SPATA22: variants seen among roughly 807,000 people sequenced by gnomAD.
SPATA22 encodes spermatogenesis associated 22.
A neutral mutation model predicts 47.8 loss-of-function variants in SPATA22; 29 were observed. That is an observed-to-expected ratio of 0.61 (90% confidence interval 0.45 to 0.83). The LOEUF is 0.83. SPATA22 is among the 40% of genes least tolerant of loss of function. SPATA22 has a pLI of 0.00. For synonymous variants in SPATA22, 133 were observed against 140.9 expected (o/e 0.94, Z 0.40); for missense variants, 410 against 421.7 (o/e 0.97, Z 0.24).
chr17:3,464,349 G>A (rs1279673072), intron 3 of SPATA22, among the ~76,000 whole-genome samples: 16 of 151,616 alleles, frequency 1.1e-4, no homozygotes, highest in Non-Finnish European at 1.6e-4. Flanking sequence ...CCTCCCAGCC[G>A]CCTGCCTTGG....
At chr17:3,496,524 G>A (rs767364562) in intron 1 of SPATA22, among the ~76,000 whole-genome samples, 30 of 152,206 alleles carry the variant, frequency 2.0e-4, no homozygotes, top group Non-Finnish European at 4.4e-5. Flanking sequence ...TGGAGCATCT[G>A]AGGAACAGCA....
chr17:3,461,645 T>G (rs982655047), intron 5 of SPATA22, among the ~76,000 whole-genome samples: 1 of 152,124 alleles, frequency 6.6e-6, no homozygotes, highest in Non-Finnish European at 1.5e-5. Context: ...AATTTTTAAA[T>G]AAAGATATTA....
chr17:3,473,139 C>T (rs941484848), upstream of SPATA22, among the ~76,000 whole-genome samples: 1 of 147,704 alleles, frequency 6.8e-6, no homozygotes, highest in African/African-American at 2.5e-5. Flanking sequence ...CACCTTAAGC[C>T]GATTACTTCT....
intron 1 of SPATA22, among the ~76,000 whole-genome samples, chr17:3,498,016 T>C (rs2073936744): frequency 6.6e-6 from 1 of 152,150 alleles, no homozygotes; most frequent in Admixed American, 6.5e-5. Context: ...GATAACTCAG[T>C]TGTTACCCTA....
intron 1 of SPATA22, among the ~76,000 whole-genome samples, chr17:3,494,725 C>T (rs940040542): frequency 3.9e-5 from 6 of 152,092 alleles, no homozygotes; most frequent in Non-Finnish European, 8.8e-5. Context: ...TAACTTTAGT[C>T]TAGAAATGAA....
At chr17:3,495,118 G>T (rs1337756732) in intron 1 of SPATA22, among the ~76,000 whole-genome samples, 2 of 152,064 alleles carry the variant, frequency 1.3e-5, no homozygotes, top group African/African-American at 4.8e-5. Flanking sequence ...TTGAGAGAAT[G>T]TAGGAGGTTT....
chr17:3,497,871 C>G lies in SPATA22; in HGVS notation c.-74+15541G>C, dbSNP rs1466422341. Among the ~76,000 whole-genome samples, 4 of 152,142 alleles carry G rather than the reference C, an allele frequency of 2.6e-5. No homozygotes were observed. In the East Asian group the frequency reaches 7.7e-4, roughly 29 times the overall value. On this transcript the variant is annotated intron_variant, in intron 1 of 8. Coordinates refer to the SPATA22 transcript ENST00000541913. Reference sequence around the variant, plus strand: ...CACCCCCAACCTATAGAATCAGAATCTTCATCTTAACAAAATCCCCAGATG... The same window carrying G: ...CACCCCCAACCTATAGAATCAGAATGTTCATCTTAACAAAATCCCCAGATG...
At chr17:3,493,728 C>A (rs2073864105) in intron 1 of SPATA22, among the ~76,000 whole-genome samples, 1 of 152,100 alleles carries the variant, frequency 6.6e-6, no homozygotes, top group African/African-American at 2.4e-5. Context: ...GAAAGCGAGC[C>A]TCAAGAAGTT....
At chr17:3,452,419 C>T (rs2072884317) in intron 5 of SPATA22, among the ~76,000 whole-genome samples, 1 of 151,830 alleles carries the variant, frequency 6.6e-6, no homozygotes, top group Non-Finnish European at 1.5e-5. Context: ...TGATGAAACC[C>T]CGTCTCTACT....
At chr17:3,499,139 C>A in intron 1 of SPATA22, 1 of 1,566,620 alleles carries the variant, frequency 6.4e-7, no homozygotes, top group South Asian at 1.2e-5. Flanking sequence ...TTCTGCTAGT[C>A]TGTAAGCTCC....
intron 3 of SPATA22, among the ~76,000 whole-genome samples, chr17:3,463,561 G>A (rs2073179890): frequency 6.6e-6 from 1 of 152,070 alleles, no homozygotes; most frequent in Admixed American, 6.5e-5. Flanking sequence ...AGTTGCTTTG[G>A]GTGAGTTAGT....
chr17:3,477,673 C>G (rs1389606705), intron 1 of SPATA22, among the ~76,000 whole-genome samples: 1 of 152,032 alleles, frequency 6.6e-6, no homozygotes, highest in Non-Finnish European at 1.5e-5. Context: ...AGGCTGGTCT[C>G]AAACTCCTGG....
At chr17:3,447,372 T>C (rs1325039460) in intron 6 of SPATA22, among the ~76,000 whole-genome samples, 1 of 152,156 alleles carries the variant, frequency 6.6e-6, no homozygotes, top group Non-Finnish European at 1.5e-5. Flanking sequence ...GAAGAACATA[T>C]GATGGGACCT....
chr17:3,469,043 A>G (rs907860232), intron 2 of SPATA22: 24 of 363,438 alleles, frequency 6.6e-5, no homozygotes, highest in African/African-American at 4.6e-4. Flanking sequence ...AGAATAACTC[A>G]AGCACATCGA....
At chr17:3,507,451 G>T (rs115301206) in intron 1 of SPATA22, among the ~76,000 whole-genome samples, 88 of 152,234 alleles carry the variant, frequency 5.8e-4, no homozygotes, top group African/African-American at 2.0e-3. Flanking sequence ...AATTTTTGTT[G>T]AATTGGTTCT....
chr17:3,507,181 G>C (rs1361139174), intron 1 of SPATA22, among the ~76,000 whole-genome samples: 1 of 152,134 alleles, frequency 6.6e-6, no homozygotes, highest in Non-Finnish European at 1.5e-5. Context: ...TGGAAATGGT[G>C]GGGTCACAGG....
In SPATA22 at chr17:3,508,568, C is replaced by T. The variant is rs549510869; in HGVS notation, c.-74+4844G>A. On this transcript the variant is annotated intron_variant, in intron 1 of 8. Transcript: ENST00000541913. ...ATATACACCATGGAATACTATGCAG[C>T]CATAAAAAATGATGAGTTCATGTCC... Among the ~76,000 whole-genome samples the T allele has an allele frequency of 4.4e-3, 634 of 143,558 alleles. 6 individuals are homozygous for T. Among genetic ancestry groups the T allele is most frequent in the African/African-American group, 0.016 (612 of 38,958 alleles). The allele number at this position is 143,558 out of a possible 152,430, so 94.2% of individuals were successfully genotyped here.
At chr17:3,449,724 A>T (rs1451863683) in intron 5 of SPATA22, among the ~76,000 whole-genome samples, 1 of 152,348 alleles carries the variant, frequency 6.6e-6, no homozygotes, top group East Asian at 1.9e-4. Flanking sequence ...TTTGTCAGCA[A>T]CATTAAGTGT....
At chr17:3,462,357 T>C (rs2073141338) in intron 5 of SPATA22, 126 bp downstream of exon 5, 11 of 650,554 alleles carry the variant, frequency 1.7e-5, no homozygotes, top group Non-Finnish European at 2.6e-5. Flanking sequence ...ATAGTTGTTA[T>C]TTATAGAAAT....
Sources: allele counts gnomAD v4.1 joint callset (sites outside exome capture counted in the v4.1 genomes callset), GRCh38; gene constraint gnomAD v4.1.1; transcripts MANE v1.5; gene names NCBI Gene and HGNC (gene_info 2026-07-23, HGNC 2026-07-21).